Variants in CFAP299 observed in about 807,000 individuals in gnomAD.
The protein encoded by CFAP299 is cilia and flagella associated protein 299.
In CFAP299, 21 loss-of-function variants were observed where a neutral mutation model predicts 27.0. The observed-to-expected ratio is 0.78, with a 90% confidence interval of 0.55 to 1.12. The LOEUF (loss-of-function observed/expected upper bound fraction) is 1.12, where lower values mean the gene tolerates loss of function less well. Ranked by LOEUF, CFAP299 falls within the 50% of genes most tolerant of loss-of-function variation. The pLI, the probability that CFAP299 is intolerant of heterozygous loss-of-function variation, is 0.00. For synonymous variants in CFAP299, 104 were observed against 98.1 expected (o/e 1.06, Z -0.36); for missense variants, 310 against 276.6 (o/e 1.12, Z -0.86).
chr4:80,454,269 T>C (rs1289491350), intron 2 of CFAP299, among the ~76,000 whole-genome samples: 1 of 152,030 alleles, frequency 6.6e-6, no homozygotes, highest in African/African-American at 2.4e-5. Context: ...GAATCATGAG[T>C]TGAAAAACAA....
At chr4:80,908,286 A>G (rs577993825) in intron 4 of CFAP299, among the ~76,000 whole-genome samples, 1 of 152,358 alleles carries the variant, frequency 6.6e-6, no homozygotes, top group Non-Finnish European at 1.5e-5. Flanking sequence ...TGTGGGTTAC[A>G]TTTATCAGAG....
At chr4:80,393,259 C>T (rs1725591585) in intron 2 of CFAP299, among the ~76,000 whole-genome samples, 1 of 151,638 alleles carries the variant, frequency 6.6e-6, no homozygotes, top group South Asian at 2.1e-4. Flanking sequence ...AAATGTATTA[C>T]AAAAGAGACA....
chr4:80,766,828 T>C (rs1381856370), intron 3 of CFAP299, among the ~76,000 whole-genome samples: 1 of 152,350 alleles, frequency 6.6e-6, no homozygotes, highest in East Asian at 1.9e-4. Flanking sequence ...TATGAAGCCA[T>C]TGTCTCATTT....
intron 3 of CFAP299, among the ~76,000 whole-genome samples, chr4:80,672,733 A>T (rs1384141134): frequency 6.6e-6 from 1 of 151,840 alleles, no homozygotes; most frequent in Non-Finnish European, 1.5e-5. Context: ...TACTCTTGGG[A>T]GGGTGTATGT....
At chr4:80,962,368 A>G (rs1304937055) in intron 5 of CFAP299, among the ~76,000 whole-genome samples, 1 of 151,908 alleles carries the variant, frequency 6.6e-6, no homozygotes, top group Admixed American at 6.6e-5. Context: ...TAGCTGCAAA[A>G]TAGGTCTCTA....
intron 3 of CFAP299, among the ~76,000 whole-genome samples, chr4:80,628,877 A>C (rs1739057017): frequency 6.6e-6 from 1 of 152,212 alleles, no homozygotes; most frequent in Non-Finnish European, 1.5e-5. Context: ...GTGAGAATGT[A>C]AATTGATGCA....
chr4:80,518,486 T>C (rs78603845), intron 2 of CFAP299, among the ~76,000 whole-genome samples: 2,361 of 152,246 alleles, frequency 0.016, 54 homozygotes, highest in African/African-American at 0.051. Flanking sequence ...AAGCTTGAAT[T>C]AGGGCAAGAA....
At chr4:80,955,729 C>T (rs1277478740) in intron 5 of CFAP299, among the ~76,000 whole-genome samples, 3 of 152,116 alleles carry the variant, frequency 2.0e-5, no homozygotes, top group Admixed American at 6.5e-5. Context: ...AGGCCAGGCG[C>T]GGTGGCTCAT....
At chr4:80,604,892 G>GAAA (rs56306966) in intron 3 of CFAP299, among the ~76,000 whole-genome samples, 96,273 of 145,542 alleles carry the variant, frequency 0.66, 33,223 homozygotes, top group Admixed American at 0.76. Context: ...TATAATACCA[G>GAAA]AAAAAAAAAA....
chr4:80,605,908 G>A (rs1737643055), intron 3 of CFAP299, among the ~76,000 whole-genome samples: 1 of 151,726 alleles, frequency 6.6e-6, no homozygotes, highest in Non-Finnish European at 1.5e-5. Context: ...TTTTCTATTG[G>A]TTTAGAGGCA....
chr4:80,651,343 CCTT>C (rs1740275500), intron 3 of CFAP299, among the ~76,000 whole-genome samples: 1 of 148,372 alleles, frequency 6.7e-6, no homozygotes, highest in Non-Finnish European at 1.5e-5. Context: ...TCTTCTCCTT[CCTT>C]CTTCTTTCTT....
intron 3 of CFAP299, among the ~76,000 whole-genome samples, chr4:80,606,724 A>G (rs1737697212): frequency 6.6e-6 from 1 of 152,174 alleles, no homozygotes; most frequent in South Asian, 2.1e-4. Flanking sequence ...AGTTTGTGAT[A>G]TAAGTTCATA....
intron 2 of CFAP299, among the ~76,000 whole-genome samples, chr4:80,374,801 A>G (rs1452309288): frequency 2.0e-5 from 3 of 152,022 alleles, no homozygotes; most frequent in Admixed American, 2.0e-4. Flanking sequence ...GACTTTGAAT[A>G]CCTGAAATAT....
chr4:80,499,155 G>A (rs1017421460), intron 2 of CFAP299, among the ~76,000 whole-genome samples: 22 of 152,112 alleles, frequency 1.4e-4, no homozygotes, highest in Admixed American at 1.4e-3. Context: ...TATTACCTGG[G>A]TGGTGAAATA....
intron 2 of CFAP299, among the ~76,000 whole-genome samples, chr4:80,364,011 C>T (rs1241390931): frequency 3.3e-5 from 5 of 151,178 alleles, no homozygotes; most frequent in African/African-American, 7.3e-5. Flanking sequence ...GACGTGAACC[C>T]GGGAGGCGGA....
intron 3 of CFAP299, among the ~76,000 whole-genome samples, chr4:80,671,443 G>A (rs934419012): frequency 6.6e-6 from 1 of 152,172 alleles, no homozygotes; most frequent in Non-Finnish European, 1.5e-5. Context: ...CTCCAGCTTT[G>A]TTCTTTTTGC....
intron 1 of CFAP299, among the ~76,000 whole-genome samples, chr4:80,352,397 G>A (rs758625521): frequency 2.0e-5 from 3 of 151,924 alleles, no homozygotes; most frequent in Non-Finnish European, 2.9e-5. Context: ...GTGAAACCCC[G>A]TCTCTACTAA....
At chr4:80,457,198 A>G (rs971960075) in intron 2 of CFAP299, among the ~76,000 whole-genome samples, 1 of 152,200 alleles carries the variant, frequency 6.6e-6, no homozygotes, top group African/African-American at 2.4e-5. Flanking sequence ...AAGAATTACA[A>G]CAATTGATGA....
intron 2 of CFAP299, among the ~76,000 whole-genome samples, chr4:80,391,507 TAAC>T: frequency 6.6e-6 from 1 of 152,318 alleles, no homozygotes; most frequent in East Asian, 1.9e-4. Context: ...ACACACTGTA[TAAC>T]AACATTTTGA....
Sources: allele counts gnomAD v4.1 joint callset (sites outside exome capture counted in the v4.1 genomes callset), GRCh38; gene constraint gnomAD v4.1.1; transcripts MANE v1.5; gene names NCBI Gene and HGNC (gene_info 2026-07-23, HGNC 2026-07-21).